TSEN2: variants seen among roughly 807,000 people sequenced by gnomAD.
TSEN2 encodes the protein tRNA-splicing endonuclease subunit Sen2.
A neutral mutation model predicts 59.2 loss-of-function variants in TSEN2; 54 were observed. The ratio of observed to expected loss-of-function variants is 0.91; its 90% CI spans 0.73 to 1.14. The LOEUF (loss-of-function observed/expected upper bound fraction) is 1.14, where lower values mean the gene tolerates loss of function less well. TSEN2 is among the 50% of genes most tolerant of loss of function. TSEN2 has a pLI of 0.00. For missense variants in TSEN2, 636 were observed against 576.2 expected (o/e 1.10, Z -1.06); for synonymous variants, 195 against 198.2 (o/e 0.98, Z 0.14).
chr3:12,480,998 T>C (rs1478386475), upstream of TSEN2, among the ~76,000 whole-genome samples: 1 of 152,168 alleles, frequency 6.6e-6, no homozygotes, highest in Non-Finnish European at 1.5e-5. Context: ...AGAACACCAA[T>C]CTCACAGCCC....
At position 12,533,297 on chromosome 3, in the gene TSEN2, C is replaced by A. The variant is rs1472758083; in HGVS notation, c.*576C>A. ...AACATTTGGCAAAATATAATAAAGCCTTTTTGTAATTGGTGAGAAAGTCAT... is the reference window on the plus strand; with the variant it reads ...AACATTTGGCAAAATATAATAAAGCATTTTTGTAATTGGTGAGAAAGTCAT... On this transcript the variant is annotated 3_prime_UTR_variant, in exon 12 of 12. Coordinates refer to ENST00000284995, the MANE Select transcript of TSEN2 (RefSeq NM_025265.4). 1 of 155,146 alleles carries A rather than the reference C, an allele frequency of 6.4e-6. No homozygotes were observed. The highest frequency in any genetic ancestry group is 2.4e-5 in the African/African-American group (1 of 41,456). The allele number at this position is 155,146 out of a possible 1,614,324, so 9.6% of individuals were successfully genotyped here. A position where few individuals can be genotyped will look rare whatever the true frequency, so the allele number is the denominator to read the frequency against.
At chr3:12,528,597 G>C (rs1384289698) in intron 8 of TSEN2, among the ~76,000 whole-genome samples, 1 of 152,196 alleles carries the variant, frequency 6.6e-6, no homozygotes, top group Non-Finnish European at 1.5e-5. Context: ...GTGCACGCCT[G>C]TAGTCCTGGC....
chr3:12,502,087 A>C (rs2125037595), intron 4 of TSEN2, among the ~76,000 whole-genome samples: 1 of 152,364 alleles, frequency 6.6e-6, no homozygotes, highest in African/African-American at 2.4e-5. Flanking sequence ...ATGTGGATGA[A>C]TCTACATAAG....
chr3:12,530,796 T>G, intron 10 of TSEN2: 1 of 976,186 alleles, frequency 1.0e-6, no homozygotes, highest in African/African-American at 1.7e-5. Context: ...GATATGTTCT[T>G]GGAAACTGCA....
chr3:12,519,463 T>C lies in TSEN2; in HGVS notation c.1099+266T>C, dbSNP rs147249049. On this transcript the variant is annotated intron_variant, in intron 8 of 11. Coordinates refer to ENST00000284995, the MANE Select transcript of TSEN2 (RefSeq NM_025265.4). The stretch of plus-strand genomic sequence containing the variant: ...GCTCTATGATCTTAGAAAAGCGTTC[T>C]GGCTGAGCGCCGTGGCTTACGCATG... Among the ~76,000 whole-genome samples the C allele has an allele frequency of 9.5e-3, 1,447 of 152,316 alleles. 17 individuals carry two copies. Among genetic ancestry groups the C allele is most frequent in the Non-Finnish European group, 0.013 (857 of 68,024 alleles).
upstream of TSEN2, among the ~76,000 whole-genome samples, chr3:12,481,271 T>C (rs956631860): frequency 2.6e-5 from 4 of 152,230 alleles, no homozygotes; most frequent in Non-Finnish European, 5.9e-5. Flanking sequence ...TTGGATTCTG[T>C]ATTTACAAAC....
intron 6 of TSEN2, among the ~76,000 whole-genome samples, chr3:12,506,473 TA>T (rs2054846288): frequency 6.6e-6 from 1 of 151,722 alleles, no homozygotes; most frequent in African/African-American, 2.4e-5. Flanking sequence ...TGCATGCCTG[TA>T]GTCTCAACTA....
In TSEN2 at chr3:12,495,126, C is replaced by CAA. The variant is rs1160986136; in HGVS notation, c.272-1371_272-1370dup. Among the ~76,000 whole-genome samples, 62 of 68,610 alleles carry CAA rather than the reference C, an allele frequency of 9.0e-4. 5 individuals carry two copies. Among genetic ancestry groups the CAA allele is most frequent in the African/African-American group, 1.4e-3 (23 of 15,936 alleles). 45.0% of individuals were successfully genotyped at this position (68,610 alleles called of 152,430 possible). A position where few individuals can be genotyped will look rare whatever the true frequency, so the allele number is the denominator to read the frequency against. On this transcript the variant is annotated intron_variant, in intron 3 of 11. Transcript: ENST00000284995. Reference sequence around the variant, plus strand: ...GGGTGACATAATGCAACTCCGTCTCCAAAAAAAAAAAAAAAAAAAAAAGTT... The same window carrying CAA: ...GGGTGACATAATGCAACTCCGTCTCCAAAAAAAAAAAAAAAAAAAAAAAAGTT...
At chr3:12,509,792 C>T (rs1286364346) in intron 6 of TSEN2, among the ~76,000 whole-genome samples, 1 of 152,154 alleles carries the variant, frequency 6.6e-6, no homozygotes, top group Admixed American at 6.5e-5. Context: ...AGTGTGCTCA[C>T]AAGAGCCTGG....
chr3:12,515,258 G>C lies in TSEN2; in HGVS notation c.910-1353G>C, dbSNP rs569221114. On this transcript the variant is annotated intron_variant, in intron 6 of 11. Coordinates refer to ENST00000284995, the MANE Select transcript of TSEN2 (RefSeq NM_025265.4). ...TTTGTTCTGTGTATGCCGGGTTAGT[G>C]GTGGGGTGGAAGGACAGTGAGGAAA... Among the ~76,000 whole-genome samples the C allele has an allele frequency of 7.9e-5, 12 of 152,280 alleles. 1 individual carries two copies. Among genetic ancestry groups the C allele is most frequent in the African/African-American group, 2.6e-4 (11 of 41,558 alleles).
At chr3:12,527,334 C>G (rs931882698) in intron 8 of TSEN2, among the ~76,000 whole-genome samples, 6 of 151,956 alleles carry the variant, frequency 3.9e-5, no homozygotes, top group Admixed American at 6.6e-5. Context: ...AAATTTGGCT[C>G]TGAGCTTCCT....
At chr3:12,499,447 C>T (rs1162829000) in intron 4 of TSEN2, among the ~76,000 whole-genome samples, 1 of 152,158 alleles carries the variant, frequency 6.6e-6, no homozygotes, top group African/African-American at 2.4e-5. Flanking sequence ...CTGTAGTAGT[C>T]GGTGTTGTGA....
intron 4 of TSEN2, among the ~76,000 whole-genome samples, chr3:12,499,970 G>A (rs942420237): frequency 6.6e-6 from 1 of 152,178 alleles, no homozygotes; most frequent in African/African-American, 2.4e-5. Flanking sequence ...AATAGGGAAC[G>A]GTGCCCTGTG....
chr3:12,529,808 C>T lies in TSEN2; in HGVS notation c.1183C>T (p.Leu395Phe), dbSNP rs1236979204. The T allele has an allele frequency of 6.2e-7, 1 of 1,614,160 alleles. No individual in the cohort carries two copies. Among genetic ancestry groups the T allele is most frequent in the Admixed American group, 1.7e-5 (1 of 60,016 alleles). The change falls in exon 10 of 12, where the codon CTC (leucine) becomes TTC (phenylalanine). Residue 395 changes from leucine to phenylalanine, a missense_variant. Coordinates refer to ENST00000284995, the MANE Select transcript of TSEN2 (RefSeq NM_025265.4). ...AGTTGATGACCATTTTGAAGGCTCT[C>T]TCCGCAGGCCTCTCAGTTGGAAGTC... ...ELVDDHFEGS[L>F]RRPLSWKSLA...
At chr3:12,516,027 A>G (rs962862705) in intron 6 of TSEN2, among the ~76,000 whole-genome samples, 1 of 152,172 alleles carries the variant, frequency 6.6e-6, no homozygotes, top group Non-Finnish European at 1.5e-5. Context: ...AAACATTCAT[A>G]AAAATCTTTT....
At chr3:12,509,509 A>G (rs1342246091) in intron 6 of TSEN2, among the ~76,000 whole-genome samples, 3 of 152,142 alleles carry the variant, frequency 2.0e-5, no homozygotes, top group Non-Finnish European at 4.4e-5. Context: ...CAGGCAGTCA[A>G]CTTTTGAAGG....
In TSEN2 at chr3:12,503,294, T is replaced by C; in HGVS notation, c.341T>C (p.Leu114Pro). ...YQHSVEWAAE[L>P]MRRQGQDEST... is the part of the protein sequence containing the mutation. ...CATAGTGTTGAGTGGGCAGCAGAGCTGATGCGTAGACAGGGGCAGGATGAG... is the reference window on the plus strand; with the variant it reads ...CATAGTGTTGAGTGGGCAGCAGAGCCGATGCGTAGACAGGGGCAGGATGAG... The change falls in exon 5 of 12, where the codon CTG becomes CCG. Residue 114 changes from leucine (L) to proline (P), a missense_variant. Transcript: ENST00000284995. 1 of 1,614,232 alleles carries C rather than the reference T, an allele frequency of 6.2e-7. No individual in the cohort carries two copies. The highest frequency in any genetic ancestry group is 8.5e-7 in the Non-Finnish European group (1 of 1,180,048).
At chr3:12,518,271 T>G (rs2056324117) in intron 7 of TSEN2, among the ~76,000 whole-genome samples, 1 of 152,240 alleles carries the variant, frequency 6.6e-6, no homozygotes, top group African/African-American at 2.4e-5. Flanking sequence ...GTTTGTTTGT[T>G]TGTTTTTAAG....
chr3:12,520,262 T>G (rs2056526508), intron 8 of TSEN2, among the ~76,000 whole-genome samples: 1 of 152,168 alleles, frequency 6.6e-6, no homozygotes, highest in East Asian at 1.9e-4. Context: ...CTTCCCAAAG[T>G]GCTGGGATTA....
Sources: allele counts gnomAD v4.1 joint callset (sites outside exome capture counted in the v4.1 genomes callset), GRCh38; gene constraint gnomAD v4.1.1; transcripts MANE v1.5; gene names NCBI Gene and HGNC (gene_info 2026-07-23, HGNC 2026-07-21).